The following SNTG2 variants were observed in gnomAD, a reference collection of about 807,000 sequenced individuals.
The protein encoded by SNTG2 is syntrophin gamma 2, also known as gamma-2-syntrophin.
SNTG2 carries 74 observed loss-of-function variants against 70.9 expected under a neutral mutation model. The ratio of observed to expected loss-of-function variants is 1.04; its 90% CI spans 0.86 to 1.27. SNTG2 has a LOEUF of 1.27. Among genes scored for constraint, SNTG2 ranks in the 50% most tolerant of loss-of-function variants. The pLI is 0.00. For missense variants in SNTG2, 717 were observed against 690.7 expected (o/e 1.04, Z -0.43); for synonymous variants, 278 against 273.8 (o/e 1.02, Z -0.15).
At chr2:1,152,469 G>A (rs1669564553) in intron 6 of SNTG2, among the ~76,000 whole-genome samples, 1 of 152,216 alleles carries the variant, frequency 6.6e-6, no homozygotes, top group African/African-American at 2.4e-5. Flanking sequence ...TGCAGTATGT[G>A]CTTATGTCTG....
intron 15 of SNTG2, among the ~76,000 whole-genome samples, chr2:1,313,102 G>T (rs1681089302): frequency 6.6e-6 from 1 of 152,128 alleles, no homozygotes; most frequent in South Asian, 2.1e-4. Flanking sequence ...AGACTGTGTT[G>T]CAGAGGAAGT....
At chr2:970,432 C>T (rs1660700598) in intron 1 of SNTG2, among the ~76,000 whole-genome samples, 1 of 138,662 alleles carries the variant, frequency 7.2e-6, no homozygotes, top group Non-Finnish European at 1.5e-5. Flanking sequence ...CCCCACCCCA[C>T]AACAGTCCCC....
intron 1 of SNTG2, among the ~76,000 whole-genome samples, chr2:1,057,876 A>G (rs1290518881): frequency 6.6e-6 from 1 of 152,158 alleles, no homozygotes; most frequent in Admixed American, 6.5e-5. Context: ...CATCTCTACA[A>G]AAGATTTAAA....
At chr2:1,243,905 A>C (rs1255145342) in intron 11 of SNTG2, among the ~76,000 whole-genome samples, 1 of 152,174 alleles carries the variant, frequency 6.6e-6, no homozygotes, top group Non-Finnish European at 1.5e-5. Context: ...ACGCGCCTGT[A>C]ATCCCAGCTA....
chr2:1,140,650 C>G (rs1668688109), intron 6 of SNTG2, among the ~76,000 whole-genome samples: 1 of 152,262 alleles, frequency 6.6e-6, no homozygotes, highest in East Asian at 1.9e-4. Flanking sequence ...CTGGTGTGTT[C>G]TGCCTGTAAT....
intron 1 of SNTG2, among the ~76,000 whole-genome samples, chr2:1,051,934 T>C (rs376363522): frequency 1.1e-4 from 17 of 152,378 alleles, no homozygotes; most frequent in East Asian, 3.9e-4. Context: ...TTCCATGTTA[T>C]GAATTACGCT....
At chr2:1,306,072 C>T (rs1680654525) in intron 14 of SNTG2, among the ~76,000 whole-genome samples, 2 of 152,208 alleles carry the variant, frequency 1.3e-5, no homozygotes, top group Admixed American at 1.3e-4. Flanking sequence ...AGAATGTCAC[C>T]TCCTGTGGCC....
At chr2:1,337,605 G>A (rs923152189) in intron 16 of SNTG2, among the ~76,000 whole-genome samples, 15 of 152,108 alleles carry the variant, frequency 9.9e-5, no homozygotes, top group Admixed American at 3.9e-4. Context: ...TATCAAATGT[G>A]TGATTTGCGG....
At position 1,323,196 on chromosome 2, in the gene SNTG2, C is replaced by T. The variant is rs141852243; in HGVS notation, c.1488+6821C>T. ...AAGGAGGTGGGTAGGGTCTGTCTCT[C>T]TGATCAGAATCTTTTTCATAGAGGA... On this transcript the variant is annotated intron_variant, in intron 16 of 16. Coordinates refer to ENST00000308624, the MANE Select transcript of SNTG2 (RefSeq NM_018968.4). 6.2e-3 allele frequency among the ~76,000 whole-genome samples: 940 copies of T among 152,308 alleles called. 4 individuals carry two copies. The highest frequency in any genetic ancestry group is 0.021 in the African/African-American group (885 of 41,572).
intron 4 of SNTG2, among the ~76,000 whole-genome samples, chr2:1,106,710 T>A: frequency 2.4e-5 from 3 of 125,998 alleles, no homozygotes; most frequent in Admixed American, 7.6e-5. Flanking sequence ...GTGCTGTCAC[T>A]CGGGTGCAGG....
chr2:1,068,888 C>T lies in SNTG2; in HGVS notation c.73-14630C>T, dbSNP rs150993593. On this transcript the variant is annotated intron_variant, in intron 1 of 16. Coordinates refer to ENST00000308624, the MANE Select transcript of SNTG2 (RefSeq NM_018968.4). ...ATTCAGAGAAATGTCACTTATGCGCCAGCTGTTTGTCACTTTGTCTTTGCC... is the reference window on the plus strand; with the variant it reads ...ATTCAGAGAAATGTCACTTATGCGCTAGCTGTTTGTCACTTTGTCTTTGCC... Among the ~76,000 whole-genome samples, 889 of 152,302 alleles carry T rather than the reference C, an allele frequency of 5.8e-3. 16 individuals carry two copies. Among genetic ancestry groups the T allele is most frequent in the African/African-American group, 0.02 (842 of 41,554 alleles).
intron 11 of SNTG2, among the ~76,000 whole-genome samples, chr2:1,242,586 T>G (rs1677121570): frequency 6.6e-6 from 1 of 152,184 alleles, no homozygotes. Context: ...CCCCACCAAA[T>G]AGCAAGCAGC....
intron 7 of SNTG2, among the ~76,000 whole-genome samples, chr2:1,168,106 T>A (rs35564730): frequency 0.25 from 7,553 of 30,072 alleles, no homozygotes; most frequent in Middle Eastern, 0.3. Context: ...CAGACGGCAG[T>A]ACTGAAGCCT....
At chr2:1,145,732 C>G in intron 6 of SNTG2, among the ~76,000 whole-genome samples, 1 of 152,104 alleles carries the variant, frequency 6.6e-6, no homozygotes, top group African/African-American at 2.4e-5. Context: ...ATACCAAAAC[C>G]AGATGAAGAC....
rs191730603 is a variant in SNTG2 at position 1,003,205 on chromosome 2, T to C, written c.72+52137T>C. On this transcript the variant is annotated intron_variant, in intron 1 of 16. Coordinates refer to ENST00000308624, the MANE Select transcript of SNTG2 (RefSeq NM_018968.4). ...CATGCACCACTACATGGTATATCCATGTAACAAAACTGCACACGTACCCCC... is the reference window on the plus strand; with the variant it reads ...CATGCACCACTACATGGTATATCCACGTAACAAAACTGCACACGTACCCCC... 1.6e-3 allele frequency among the ~76,000 whole-genome samples: 241 copies of C among 152,222 alleles called. 4 individuals carry two copies. The South Asian group carries it at 0.019, about 12-fold the overall frequency.
intron 16 of SNTG2, among the ~76,000 whole-genome samples, chr2:1,329,029 ACT>A (rs1411295046): frequency 6.6e-6 from 1 of 151,990 alleles, no homozygotes; most frequent in Non-Finnish European, 1.5e-5. Flanking sequence ...TTGACTACAG[ACT>A]CTTAAAAAAT....
chr2:1,303,461 CAA>C (rs1346209915), intron 14 of SNTG2, among the ~76,000 whole-genome samples: 1 of 152,042 alleles, frequency 6.6e-6, no homozygotes, highest in Non-Finnish European at 1.5e-5. Flanking sequence ...TGTAATATAT[CAA>C]AGTTTGTGAG....
At chr2:1,071,857 AT>A (rs1342603287) in intron 1 of SNTG2, among the ~76,000 whole-genome samples, 1 of 152,178 alleles carries the variant, frequency 6.6e-6, no homozygotes, top group East Asian at 1.9e-4. Flanking sequence ...TATGGAGGAA[AT>A]TTGAATGGCC....
chr2:1,099,627 T>TGTAGTGAGG (rs1206363931), intron 4 of SNTG2, among the ~76,000 whole-genome samples: 5 of 151,914 alleles, frequency 3.3e-5, no homozygotes, highest in African/African-American at 9.7e-5. Flanking sequence ...TGAAGGTGGG[T>TGTAGTGAGG]GCAGTGAGGG....
Sources: allele counts gnomAD v4.1 joint callset (sites outside exome capture counted in the v4.1 genomes callset), GRCh38; gene constraint gnomAD v4.1.1; transcripts MANE v1.5; gene names NCBI Gene and HGNC (gene_info 2026-07-23, HGNC 2026-07-21).